Variants in CSMD2 observed in about 807,000 individuals in gnomAD.
CSMD2 encodes CUB and sushi domain-containing protein 2.
In CSMD2, 130 loss-of-function variants were observed where a neutral mutation model predicts 398.5. The observed-to-expected ratio is 0.33, with a 90% CI of 0.28 to 0.38. CSMD2 has a LOEUF of 0.38. Ranked by LOEUF, CSMD2 falls within the 10% of genes least tolerant of loss-of-function variation. The pLI, the probability that CSMD2 is intolerant of heterozygous loss-of-function variation, is 1.00. For missense variants in CSMD2, 3,829 were observed against 4,764.9 expected (o/e 0.80, Z 5.78); for synonymous variants, 1,828 against 1,908.5 (o/e 0.96, Z 1.10).
rs946561841 is a variant in CSMD2, at chr1:33,934,249, T to C, written c.712+1511A>G. Among the ~76,000 whole-genome samples, 3 of 152,236 alleles carry C rather than the reference T, an allele frequency of 2.0e-5. No individual in the cohort carries two copies. The East Asian group carries it at 5.8e-4, about 29-fold the overall frequency. Reference sequence around the variant, plus strand: ...GAAATGTTCCTCCCAGACTGATATATGGATGTTCAGGATCCATGGAATTTA... The same window carrying C: ...GAAATGTTCCTCCCAGACTGATATACGGATGTTCAGGATCCATGGAATTTA... On this transcript the variant is annotated intron_variant, in intron 4 of 70. Transcript: ENST00000373381.
intron 13 of CSMD2, among the ~76,000 whole-genome samples, chr1:33,762,530 C>T (rs1010717386): frequency 1.4e-5 from 2 of 145,406 alleles, no homozygotes; most frequent in South Asian, 4.2e-4. Flanking sequence ...TACCTTGGAC[C>T]AGGACTCTTA....
At chr1:33,578,627 G>A (rs1317313215) in intron 48 of CSMD2, among the ~76,000 whole-genome samples, 1 of 152,042 alleles carries the variant, frequency 6.6e-6, no homozygotes, top group Non-Finnish European at 1.5e-5. Flanking sequence ...AGCCTGAAAG[G>A]ACTCACATTA....
chr1:34,082,501 C>A (rs1374936058), intron 2 of CSMD2, among the ~76,000 whole-genome samples: 3 of 151,748 alleles, frequency 2.0e-5, no homozygotes, highest in African/African-American at 7.3e-5. Context: ...AGGTGGGGGG[C>A]ACCTCTGCCT....
At chr1:33,623,018 T>C (rs1233731002) in intron 36 of CSMD2, among the ~76,000 whole-genome samples, 1 of 152,130 alleles carries the variant, frequency 6.6e-6, no homozygotes, top group Non-Finnish European at 1.5e-5. Context: ...TCACGTTAAG[T>C]GAAAGAAGCC....
chr1:33,559,334 G>T lies in CSMD2; in HGVS notation c.8520C>A (p.Ser2840Arg). The change falls in exon 54 of 71, where the codon AGC becomes AGA. Residue 2840 changes from serine (S) to arginine (R), a missense_variant. By Grantham distance (110) the Ser-to-Arg change is moderately radical (BLOSUM62 -1). Coordinates refer to ENST00000373381, the MANE Select transcript of CSMD2 (RefSeq NM_001281956.2). The surrounding 1 kb of genome is among the most constrained non-coding windows in gnomAD (Gnocchi z 4.0). ...TGGGCAGCATGTCACTCCATTGCCCGCTGGCCAGGCATTGGGACCTAGCAG... is the reference window on the plus strand; with the variant it reads ...TGGGCAGCATGTCACTCCATTGCCCTCTGGCCAGGCATTGGGACCTAGCAG... ...EGAARSQCLA[S>R]GQWSDMLPTC... is the part of the protein sequence containing the mutation. 6.5e-7 allele frequency: 1 copy of T among 1,535,732 alleles called. No homozygotes were observed. The highest frequency in any genetic ancestry group is 8.7e-7 in the Non-Finnish European group (1 of 1,146,906).
intron 5 of CSMD2, among the ~76,000 whole-genome samples, chr1:33,848,912 A>G (rs1279476309): frequency 6.6e-6 from 1 of 152,038 alleles, no homozygotes; most frequent in African/African-American, 2.4e-5. Context: ...ATCTACCTGA[A>G]TAATTCAGGA....
chr1:33,547,094 A>G (rs969968853), intron 56 of CSMD2, among the ~76,000 whole-genome samples: 1 of 152,146 alleles, frequency 6.6e-6, no homozygotes, highest in Admixed American at 6.6e-5. Context: ...ATGCCATACA[A>G]GTGAGCTCTA....
chr1:33,792,567 G>C (rs747738511), intron 10 of CSMD2, 41 bp from the exon 11 acceptor site: 2 of 1,402,980 alleles, frequency 1.4e-6, no homozygotes, highest in South Asian at 2.3e-5. Flanking sequence ...CAGGGGCTGT[G>C]AGGAAGCCTT....
At chr1:33,774,200 T>C (rs560833758) in intron 12 of CSMD2, among the ~76,000 whole-genome samples, 1 of 152,044 alleles carries the variant, frequency 6.6e-6, no homozygotes, top group African/African-American at 2.4e-5. Flanking sequence ...GGGGAGTCTG[T>C]GTGACCATGT....
intron 53 of CSMD2, among the ~76,000 whole-genome samples, chr1:33,562,924 C>T: frequency 6.6e-6 from 1 of 152,214 alleles, no homozygotes; most frequent in Non-Finnish European, 1.5e-5. Context: ...CCAGCCTCCA[C>T]AATTGTGTGA....
intron 25 of CSMD2, among the ~76,000 whole-genome samples, chr1:33,675,400 C>T (rs988491891): frequency 5.3e-5 from 8 of 152,164 alleles, no homozygotes; most frequent in Non-Finnish European, 1.0e-4. Context: ...CCTCCCAAGA[C>T]TAAACCAGGA....
chr1:33,823,031 T>C (rs906128031), intron 7 of CSMD2, among the ~76,000 whole-genome samples: 1 of 152,270 alleles, frequency 6.6e-6, no homozygotes, highest in East Asian at 1.9e-4. Flanking sequence ...TCTCATTCAG[T>C]ATTGACATCA....
At chr1:33,978,516 C>T (rs114609213) in intron 3 of CSMD2, among the ~76,000 whole-genome samples, 2,568 of 152,192 alleles carry the variant, frequency 0.017, 71 homozygotes, top group African/African-American at 0.059. Context: ...GCTTTTCAGC[C>T]AGACCTGCAG....
rs549369189 is a variant in CSMD2 at position 33,572,804 on chromosome 1, G to A, written c.7577-113C>T. ...CTTTTATTAGTAAAAACTAATTAAA[G>A]GGTAAAGTATCATAATAAAAAAGAA... On this transcript the variant is annotated intron_variant, in intron 49 of 70. Transcript: ENST00000373381. 110 of 756,094 alleles carry A rather than the reference G, an allele frequency of 1.5e-4. No individual in the cohort carries two copies. In the East Asian group the frequency reaches 3.0e-3, roughly 21 times the overall value. The allele number at this position is 756,094 out of a possible 1,614,324, so 46.8% of individuals were successfully genotyped here.
At chr1:33,866,057 CT>C (rs1360116398) in intron 5 of CSMD2, among the ~76,000 whole-genome samples, 4 of 152,166 alleles carry the variant, frequency 2.6e-5, no homozygotes, top group Non-Finnish European at 5.9e-5. Flanking sequence ...CTAAGGACCC[CT>C]ATTCCATGAT....
chr1:33,616,591 G>A (rs1641404965), intron 39 of CSMD2, among the ~76,000 whole-genome samples: 1 of 152,148 alleles, frequency 6.6e-6, no homozygotes, highest in Non-Finnish European at 1.5e-5. Flanking sequence ...GAAGTCACGG[G>A]GGAAGCCCAA....
chr1:33,899,065 C>A (rs1184128192), intron 5 of CSMD2, among the ~76,000 whole-genome samples: 1 of 152,202 alleles, frequency 6.6e-6, no homozygotes, highest in South Asian at 2.1e-4. Flanking sequence ...ACAACTCAGG[C>A]CACAGACCAG....
chr1:33,825,853 C>T (rs1658748205), intron 6 of CSMD2, 79 bp from the exon 7 acceptor site: 1 of 1,161,138 alleles, frequency 8.6e-7, no homozygotes, highest in Non-Finnish European at 1.2e-6. Flanking sequence ...AAGGATTCCC[C>T]CTTGTGCCTT....
At chr1:33,727,161 G>T (rs540933006) in intron 15 of CSMD2, among the ~76,000 whole-genome samples, 1 of 152,332 alleles carries the variant, frequency 6.6e-6, no homozygotes, top group African/African-American at 2.4e-5. Flanking sequence ...TGTGTTAATT[G>T]TGTTACACAA....
Sources: allele counts gnomAD v4.1 joint callset (sites outside exome capture counted in the v4.1 genomes callset), GRCh38; gene constraint gnomAD v4.1.1; non-coding constraint Gnocchi (gnomAD v3.1); transcripts MANE v1.5; gene names NCBI Gene and HGNC (gene_info 2026-07-23, HGNC 2026-07-21).